The following DPP10 variants were observed in gnomAD, a reference collection of about 807,000 sequenced individuals.
The protein encoded by DPP10 is dipeptidyl peptidase like 10.
DPP10 carries 33 observed loss-of-function variants against 120.9 expected under a neutral mutation model. The observed-to-expected ratio is 0.27, with a 90% CI of 0.21 to 0.37. DPP10 has a LOEUF of 0.37. Ranked by LOEUF, DPP10 falls within the 10% of genes least tolerant of loss-of-function variation. The pLI, the probability that DPP10 is intolerant of heterozygous loss-of-function variation, is 1.00. For synonymous variants in DPP10, 337 were observed against 326.1 expected, an observed-to-expected ratio of 1.03 and a Z score of -0.36; for missense variants, 816 against 942.8, an observed-to-expected ratio of 0.87 and a Z score of 1.76.
intron 21 of DPP10, among the ~76,000 whole-genome samples, chr2:115,832,025 T>G (rs1688979030): frequency 6.6e-6 from 1 of 152,236 alleles, no homozygotes; most frequent in African/African-American, 2.4e-5. Flanking sequence ...TTAATCTACC[T>G]GATGATATGC....
In DPP10 at chr2:115,538,088, C is replaced by G. The variant is rs750459778; in HGVS notation, c.441+12116C>G. Among the ~76,000 whole-genome samples, 7 of 152,162 alleles carry G rather than the reference C, an allele frequency of 4.6e-5. No individual in the cohort carries two copies. In the East Asian group the frequency reaches 1.4e-3, roughly 29 times the overall value. ...CACTAGCACTCTAGTGTGTGTCACACAGGCACAGCTGTGATTACAGGTGGG... is the reference window on the plus strand; with the variant it reads ...CACTAGCACTCTAGTGTGTGTCACAGAGGCACAGCTGTGATTACAGGTGGG... On this transcript the variant is annotated intron_variant, in intron 5 of 25. Transcript: ENST00000410059.
At chr2:115,174,854 G>A (rs1008450171) in intron 1 of DPP10, among the ~76,000 whole-genome samples, 15 of 152,178 alleles carry the variant, frequency 9.9e-5, no homozygotes, top group African/African-American at 3.6e-4. Context: ...CAGCAGTGAG[G>A]TCCTGGAATG....
At chr2:115,415,233 T>A (rs1462136910) in intron 3 of DPP10, among the ~76,000 whole-genome samples, 2 of 152,190 alleles carry the variant, frequency 1.3e-5, no homozygotes, top group Non-Finnish European at 1.5e-5. Context: ...CCCGTTTATC[T>A]GGCTGCGCTT....
chr2:115,243,441 G>A (rs1209395611), intron 1 of DPP10, among the ~76,000 whole-genome samples: 3 of 152,066 alleles, frequency 2.0e-5, no homozygotes, highest in East Asian at 3.9e-4. Context: ...TAAAATAAGG[G>A]TCAGTAAAAT....
chr2:115,463,813 A>C (rs996376811), intron 3 of DPP10, among the ~76,000 whole-genome samples: 1 of 152,062 alleles, frequency 6.6e-6, no homozygotes, highest in African/African-American at 2.4e-5. Flanking sequence ...GGAAGGGTTG[A>C]CTTCCTAACC....
intron 1 of DPP10, among the ~76,000 whole-genome samples, chr2:115,306,577 C>T (rs1176619137): frequency 2.0e-5 from 3 of 151,922 alleles, no homozygotes; most frequent in Non-Finnish European, 4.4e-5. Context: ...TAACACCATG[C>T]TTTAGAAATG....
chr2:115,443,325 A>C (rs1034154814), intron 3 of DPP10, among the ~76,000 whole-genome samples: 3 of 152,204 alleles, frequency 2.0e-5, no homozygotes, highest in African/African-American at 7.2e-5. Flanking sequence ...GCCTATAATT[A>C]GCAAGTATTT....
intron 3 of DPP10, among the ~76,000 whole-genome samples, chr2:115,421,506 G>A (rs935944130): frequency 1.3e-5 from 2 of 152,032 alleles, no homozygotes; most frequent in Admixed American, 6.6e-5. Flanking sequence ...TTAGACTTAG[G>A]AAAATAGTAT....
chr2:115,583,383 G>A (rs1218465621), intron 5 of DPP10, among the ~76,000 whole-genome samples: 1 of 152,172 alleles, frequency 6.6e-6, no homozygotes, highest in Non-Finnish European at 1.5e-5. Flanking sequence ...GATATTAACG[G>A]AGATTGCTTG....
intron 1 of DPP10, among the ~76,000 whole-genome samples, chr2:115,296,874 C>G (rs140716617): frequency 6.7e-4 from 102 of 152,020 alleles, no homozygotes; most frequent in Middle Eastern, 6.8e-3. Flanking sequence ...TGACTCTATA[C>G]TAAGACTTCA....
intron 5 of DPP10, among the ~76,000 whole-genome samples, chr2:115,528,067 C>G (rs1175829467): frequency 6.6e-6 from 1 of 152,024 alleles, no homozygotes; most frequent in Non-Finnish European, 1.5e-5. Context: ...ATTTGTATTC[C>G]TTTGGGTATA....
chr2:115,536,937 C>T (rs575156359), intron 5 of DPP10, among the ~76,000 whole-genome samples: 1 of 151,948 alleles, frequency 6.6e-6, no homozygotes, highest in African/African-American at 2.4e-5. Flanking sequence ...AATTAGCAAG[C>T]GATGGAGTAA....
At position 114,829,534 on chromosome 2, in the gene DPP10, A is replaced by ATTT. The variant is rs539035964; in HGVS notation, c.60+386708_60+386710dup. Among the ~76,000 whole-genome samples, 783 of 138,504 alleles carry ATTT rather than the reference A, an allele frequency of 5.7e-3. 1 individual carries two copies. Among genetic ancestry groups the ATTT allele is most frequent in the East Asian group, 0.02 (90 of 4,598 alleles). The allele number at this position is 138,504 out of a possible 152,430, so 90.9% of individuals were successfully genotyped here. ...AGGCGCCTGCCACTACACTCAGCTA[A>ATTT]TTTTTTTTTTTTTTGTATTTTTGGT... On this transcript the variant is annotated intron_variant, in intron 1 of 25. Coordinates refer to ENST00000410059, the MANE Select transcript of DPP10 (RefSeq NM_020868.6).
At chr2:114,854,289 A>T (rs996844403) in intron 1 of DPP10, among the ~76,000 whole-genome samples, 8 of 152,216 alleles carry the variant, frequency 5.3e-5, no homozygotes, top group Non-Finnish European at 8.8e-5. Context: ...TTAGATTTTA[A>T]CTTACTATTT....
intron 1 of DPP10, among the ~76,000 whole-genome samples, chr2:114,677,046 C>T (rs1167462871): frequency 1.3e-5 from 2 of 152,124 alleles, no homozygotes; most frequent in African/African-American, 4.8e-5. Flanking sequence ...TATGCTCATA[C>T]TGGTGTGGCC....
chr2:115,255,072 C>G (rs571675530), intron 1 of DPP10, among the ~76,000 whole-genome samples: 7 of 152,246 alleles, frequency 4.6e-5, no homozygotes, highest in Non-Finnish European at 1.0e-4. Context: ...GCCTTCCACA[C>G]TGCCGTAGGA....
At chr2:115,551,686 G>A (rs1334756639) in intron 5 of DPP10, among the ~76,000 whole-genome samples, 1 of 151,996 alleles carries the variant, frequency 6.6e-6, no homozygotes, top group African/African-American at 2.4e-5. Flanking sequence ...CGACATTTAA[G>A]CATTTGCTCA....
chr2:114,875,608 C>T (rs1042555147), intron 1 of DPP10, among the ~76,000 whole-genome samples: 1 of 152,072 alleles, frequency 6.6e-6, no homozygotes, highest in Non-Finnish European at 1.5e-5. Context: ...CTTACTAGAA[C>T]TTGATCCAAA....
intron 1 of DPP10, among the ~76,000 whole-genome samples, chr2:114,880,256 C>A (rs1691498006): frequency 6.6e-6 from 1 of 152,130 alleles, no homozygotes; most frequent in Non-Finnish European, 1.5e-5. Context: ...GCAAAACAAC[C>A]ACCAAATTTG....
Sources: gnomAD v4.1 joint callset for allele counts (sites outside exome capture counted in the v4.1 genomes callset) on GRCh38, gnomAD v4.1.1 for gene constraint, MANE v1.5 for transcripts, NCBI Gene and HGNC (gene_info 2026-07-23, HGNC 2026-07-21) for gene names.